The following SGIP1 variants were observed in gnomAD, a reference collection of about 807,000 sequenced individuals.
SGIP1 encodes SH3GL interacting endocytic adaptor 1.
SGIP1 carries 38 observed loss-of-function variants against 107.5 expected under a neutral mutation model. The ratio of observed to expected loss-of-function variants is 0.35; its 90% CI spans 0.27 to 0.46. The LOEUF is 0.46. SGIP1 is among the 20% of genes least tolerant of loss of function. The pLI is 1.00. For synonymous variants in SGIP1, 365 were observed against 366.1 expected, an observed-to-expected ratio of 1.00 and a Z score of 0.03; for missense variants, 929 against 1,019.5, an observed-to-expected ratio of 0.91 and a Z score of 1.21.
chr1:66,576,301 T>C (rs563281835), intron 1 of SGIP1, among the ~76,000 whole-genome samples: 1 of 152,316 alleles, frequency 6.6e-6, no homozygotes. Flanking sequence ...GAAATAATTG[T>C]AACCATGTAG....
chr1:66,620,324 A>G (rs891043963), intron 1 of SGIP1, among the ~76,000 whole-genome samples: 4 of 152,184 alleles, frequency 2.6e-5, no homozygotes, highest in Admixed American at 1.3e-4. Context: ...TTTTAAAAAA[A>G]TGTCTTTCAA....
chr1:66,704,001 C>T (rs1239556374), intron 18 of SGIP1, among the ~76,000 whole-genome samples: 1 of 152,070 alleles, frequency 6.6e-6, no homozygotes, highest in South Asian at 2.1e-4. Context: ...ACTTAGTTTC[C>T]TCCTCTGAAA....
At chr1:66,708,978 C>T (rs537788733) in intron 18 of SGIP1, among the ~76,000 whole-genome samples, 33 of 151,884 alleles carry the variant, frequency 2.2e-4, no homozygotes, top group African/African-American at 5.8e-4. Context: ...ATCAATCATT[C>T]GAATTTTTTT....
At chr1:66,722,982 A>C (rs1023742197) in intron 19 of SGIP1, among the ~76,000 whole-genome samples, 1 of 152,218 alleles carries the variant, frequency 6.6e-6, no homozygotes, top group Non-Finnish European at 1.5e-5. Flanking sequence ...ATTGCCATAA[A>C]TAGTTGTAGG....
rs1295979277 is a variant in SGIP1, at chr1:66,667,561, T to C, written c.483+20T>C. On this transcript the variant is annotated intron_variant, in intron 9 of 24. Coordinates refer to ENST00000371037, the MANE Select transcript of SGIP1 (RefSeq NM_032291.4). The stretch of plus-strand genomic sequence containing the variant: ...AGCCCGGTAAGAACTCTCAACATTT[T>C]TACCTTAAACATGTATAGAGAAAAT... 1 of 1,613,296 alleles carries C rather than the reference T, an allele frequency of 6.2e-7. No individual in the cohort carries two copies. The highest frequency in any genetic ancestry group is 8.5e-7 in the Non-Finnish European group (1 of 1,179,424).
At chr1:66,658,583 C>CA (rs1250391717) in intron 7 of SGIP1, among the ~76,000 whole-genome samples, 2 of 152,066 alleles carry the variant, frequency 1.3e-5, no homozygotes, top group African/African-American at 4.8e-5. Context: ...AATGGCTCCC[C>CA]AAAAAGGGAA....
chr1:66,700,191 C>T (rs545220906), intron 18 of SGIP1, among the ~76,000 whole-genome samples: 5 of 151,864 alleles, frequency 3.3e-5, no homozygotes, highest in South Asian at 4.2e-4. Flanking sequence ...GCCAACATGC[C>T]GAAACCCCGC....
Position 66,649,636 on chromosome 1 carries a change from A to G in SGIP1, c.459+5917A>G, listed in dbSNP as rs560035296. On this transcript the variant is annotated intron_variant, in intron 7 of 24. Coordinates refer to ENST00000371037, the MANE Select transcript of SGIP1 (RefSeq NM_032291.4). ...AAACCTCCATTATATCATACAAGAA[A>G]AGGCTTTGTTCTTAAAGAGTAAAAT... Among the ~76,000 whole-genome samples, 12 of 152,322 alleles carry G rather than the reference A, an allele frequency of 7.9e-5. No individual in the cohort carries two copies. In the East Asian group the frequency reaches 2.3e-3, roughly 29 times the overall value.
chr1:66,541,928 G>A (rs2055043859), intron 1 of SGIP1, among the ~76,000 whole-genome samples: 1 of 152,110 alleles, frequency 6.6e-6, no homozygotes, highest in South Asian at 2.1e-4. Context: ...TCAGAAGCAT[G>A]GAGTCTAGTA....
chr1:66,688,681 C>A (rs2089077521), intron 15 of SGIP1, among the ~76,000 whole-genome samples: 1 of 152,184 alleles, frequency 6.6e-6, no homozygotes, highest in South Asian at 2.1e-4. Context: ...AAGCATAATT[C>A]TCTTAACCAC....
chr1:66,671,856 ATC>A (rs1557558411), intron 10 of SGIP1, 86 bp from the exon 11 acceptor site: 1 of 1,291,104 alleles, frequency 7.7e-7, no homozygotes, highest in African/African-American at 1.5e-5. Context: ...TGGGACTTAA[ATC>A]TCTAAGTGTT....
rs1285722181 is a variant in SGIP1, at chr1:66,747,049, A to G, written c.*3954A>G. On this transcript the variant is annotated 3_prime_UTR_variant, in exon 25 of 25. Coordinates refer to ENST00000371037, the MANE Select transcript of SGIP1 (RefSeq NM_032291.4). ...ACACAAAATGATCTACCACATATCA[A>G]TGTCTTCCATCTCTGAAATTCCATG... The G allele has an allele frequency of 2.6e-5, 4 of 152,086 alleles. No homozygotes were observed. The highest frequency in any genetic ancestry group is 5.9e-5 in the Non-Finnish European group (4 of 67,930). The allele number at this position is 152,086 out of a possible 1,614,324, so 9.4% of individuals were successfully genotyped here.
chr1:66,723,064 G>T (rs2093612756), intron 19 of SGIP1, among the ~76,000 whole-genome samples: 1 of 152,142 alleles, frequency 6.6e-6, no homozygotes, highest in South Asian at 2.1e-4. Flanking sequence ...ACTTATAAAT[G>T]AATCATGAAA....
chr1:66,611,440 T>C (rs2067978437), intron 1 of SGIP1, among the ~76,000 whole-genome samples: 1 of 152,236 alleles, frequency 6.6e-6, no homozygotes, highest in Non-Finnish European at 1.5e-5. Context: ...AGTGCAGAGC[T>C]GTTGCTGGGG....
chr1:66,682,760 T>A (rs2087063885), intron 15 of SGIP1, among the ~76,000 whole-genome samples: 1 of 151,892 alleles, frequency 6.6e-6, no homozygotes, highest in African/African-American at 2.4e-5. Flanking sequence ...GGACACTAGG[T>A]TTTGTGGGCC....
intron 18 of SGIP1, 126 bp from the exon 19 acceptor site, chr1:66,719,168 T>C: frequency 1.7e-6 from 1 of 587,368 alleles, no homozygotes; most frequent in Non-Finnish European, 3.0e-6. Flanking sequence ...GTTACGGTTC[T>C]TAGCACATTT....
intron 1 of SGIP1, among the ~76,000 whole-genome samples, chr1:66,581,837 C>T (rs12085282): frequency 0.19 from 28,595 of 152,004 alleles, 3,188 homozygotes; most frequent in African/African-American, 0.31. Flanking sequence ...TGGATACTTT[C>T]ACCAAATTTT....
intron 1 of SGIP1, among the ~76,000 whole-genome samples, chr1:66,619,092 C>A (rs959810707): frequency 6.6e-6 from 1 of 152,144 alleles, no homozygotes; most frequent in Non-Finnish European, 1.5e-5. Context: ...GCCAACTTAC[C>A]TCCTCTTCTT....
At chr1:66,658,648 T>G (rs1391565466) in intron 7 of SGIP1, among the ~76,000 whole-genome samples, 6 of 152,222 alleles carry the variant, frequency 3.9e-5, no homozygotes, top group African/African-American at 7.2e-5. Flanking sequence ...AGAGAATCCA[T>G]GCATAGCCAT....
Sources: allele counts gnomAD v4.1 joint callset (sites outside exome capture counted in the v4.1 genomes callset), GRCh38; gene constraint gnomAD v4.1.1; transcripts MANE v1.5; gene names NCBI Gene and HGNC (gene_info 2026-07-23, HGNC 2026-07-21).